RRP1B: variants seen among roughly 807,000 people sequenced by gnomAD.
RRP1B encodes ribosomal RNA processing 1B, also known as ribosomal RNA processing protein 1 homolog B.
Under a neutral mutation model 80.2 loss-of-function variants are expected in RRP1B, and 56 were observed. The observed-to-expected ratio is 0.70, with a 90% CI of 0.56 to 0.87. The LOEUF (loss-of-function observed/expected upper bound fraction) is 0.87, where lower values mean the gene tolerates loss of function less well. RRP1B is among the 40% of genes least tolerant of loss of function. RRP1B has a pLI of 0.00. For missense variants in RRP1B, 807 were observed against 939.8 expected (o/e 0.86, Z 1.85); for synonymous variants, 351 against 357.6 (o/e 0.98, Z 0.21).
chr21:43,687,005 G>C, intron 12 of RRP1B, 70 bp downstream of exon 12: 1 of 1,527,754 alleles, frequency 6.5e-7, no homozygotes, highest in Non-Finnish European at 8.9e-7. Context: ...TGGAGGCCTC[G>C]GAGACTTGAG....
intron 3 of RRP1B, 31 bp downstream of exon 3, chr21:43,672,396 CAA>C: frequency 6.3e-7 from 1 of 1,591,184 alleles, no homozygotes; most frequent in Non-Finnish European, 8.6e-7. Context: ...TCCTTCCTTC[CAA>C]GTTTTCCGAC....
intron 11 of RRP1B, 191 bp from the exon 12 acceptor site, chr21:43,686,613 C>T (rs1406575532): frequency 3.3e-6 from 2 of 604,614 alleles, no homozygotes; most frequent in Non-Finnish European, 5.5e-6. Flanking sequence ...CCTTGCCTTG[C>T]CTTGGTTGAG....
At position 43,693,154 on chromosome 21, in the gene RRP1B, C is replaced by A. The variant is rs1297403988; in HGVS notation, c.2084-36C>A. 11 of 1,608,948 alleles carry A rather than the reference C, an allele frequency of 6.8e-6. No homozygotes were observed. The highest frequency in any genetic ancestry group is 9.3e-6 in the Non-Finnish European group (11 of 1,176,986). On this transcript the variant is annotated intron_variant, in intron 15 of 15. Transcript: ENST00000340648. This position sits in a 1 kb window ranked among gnomAD's most constrained non-coding sequence, Gnocchi z 4.1. ...GGTGTTGAAGGGACAGCTGTCGGAC[C>A]CACTTAATATGGGGCCTTGCTCTCA...
intron 1 of RRP1B, among the ~76,000 whole-genome samples, chr21:43,661,593 C>T (rs1438574393): frequency 6.6e-6 from 1 of 152,202 alleles, no homozygotes; most frequent in African/African-American, 2.4e-5. Context: ...AACTTCTGCG[C>T]CCGCATATTC....
At chr21:43,670,505 A>G (rs910690571) in intron 2 of RRP1B, among the ~76,000 whole-genome samples, 10 of 152,214 alleles carry the variant, frequency 6.6e-5, no homozygotes, top group Non-Finnish European at 1.3e-4. Flanking sequence ...CAAAGCCAAC[A>G]CTAAAGATGT....
intron 8 of RRP1B, among the ~76,000 whole-genome samples, chr21:43,677,881 G>A (rs9977102): frequency 0.061 from 9,319 of 152,102 alleles, 937 homozygotes; most frequent in African/African-American, 0.21. Context: ...TGTATATTCC[G>A]CATTTTCTTT....
intron 5 of RRP1B, 34 bp downstream of exon 5, chr21:43,674,731 C>T: frequency 6.5e-7 from 1 of 1,548,930 alleles, no homozygotes; most frequent in East Asian, 2.2e-5. Context: ...ATGTGGTAGC[C>T]TTAAAACTTA....
intron 5 of RRP1B, 51 bp downstream of exon 5, chr21:43,674,748 A>G: frequency 6.8e-7 from 1 of 1,477,930 alleles, no homozygotes; most frequent in Non-Finnish European, 9.3e-7. Flanking sequence ...CTTAAAAGGT[A>G]GTAGAGTGTC....
chr21:43,666,387 A>G (rs2082978028), intron 1 of RRP1B, among the ~76,000 whole-genome samples: 1 of 152,028 alleles, frequency 6.6e-6, no homozygotes, highest in Non-Finnish European at 1.5e-5. Context: ...CCAGCAGTTG[A>G]GCTCCTGCAC....
intron 1 of RRP1B, among the ~76,000 whole-genome samples, chr21:43,665,313 CTG>C (rs2082974262): frequency 6.6e-6 from 1 of 152,208 alleles, no homozygotes; most frequent in Non-Finnish European, 1.5e-5. Context: ...CTACCTGTAA[CTG>C]TTCTGTAAAT....
chr21:43,692,567 CCAGCCTGGGTGA>C (rs1305501866), intron 15 of RRP1B, among the ~76,000 whole-genome samples: 1 of 151,418 alleles, frequency 6.6e-6, no homozygotes, highest in Admixed American at 6.6e-5. Context: ...TCACTGCACT[CCAGCCTGGGTGA>C]CAGGCTGGGT....
At chr21:43,672,788 C>T (rs2083005095) in intron 3 of RRP1B, among the ~76,000 whole-genome samples, 1 of 152,146 alleles carries the variant, frequency 6.6e-6, no homozygotes, top group Non-Finnish European at 1.5e-5. Context: ...AGTTAGGGTG[C>T]TTCTGTGTCA....
chr21:43,678,548 C>G (rs1039528617), intron 8 of RRP1B, among the ~76,000 whole-genome samples: 1 of 152,122 alleles, frequency 6.6e-6, no homozygotes, highest in African/African-American at 2.4e-5. Flanking sequence ...TTTGCATTTC[C>G]GTGTGTTTGT....
intron 7 of RRP1B, 90 bp from the exon 8 acceptor site, chr21:43,676,643 C>T (rs554606178): frequency 1.4e-4 from 173 of 1,225,618 alleles, no homozygotes; most frequent in Non-Finnish European, 1.8e-4. Flanking sequence ...ACCACAGCAA[C>T]GTGTGCAGGG....
intron 3 of RRP1B, among the ~76,000 whole-genome samples, chr21:43,673,304 T>C (rs1356741804): frequency 1.3e-5 from 2 of 152,160 alleles, no homozygotes; most frequent in Admixed American, 6.6e-5. Context: ...ATTGCAATGT[T>C]GCCAGCCCTT....
At chr21:43,676,136 G>T (rs1601755655) in intron 6 of RRP1B, 136 bp from the exon 7 acceptor site, 1 of 624,406 alleles carries the variant, frequency 1.6e-6, no homozygotes, top group East Asian at 2.8e-5. Flanking sequence ...TTCCACAGGG[G>T]CGCTTTGGGG....
At position 43,659,707 on chromosome 21, in the gene RRP1B, C is replaced by T. The variant is rs1437798116; in HGVS notation, c.43C>T (p.Arg15Trp). The T allele has an allele frequency of 5.2e-6, 8 of 1,530,772 alleles. No individual in the cohort carries two copies. In the East Asian group the frequency reaches 1.6e-4, roughly 30 times the overall value. The allele number at this position is 1,530,772 out of a possible 1,614,324, so 94.8% of individuals were successfully genotyped here. A position where few individuals can be genotyped will look rare whatever the true frequency, so the allele number is the denominator to read the frequency against. Residue 15 changes from arginine (R) to tryptophan (W), a missense_variant, in exon 1 of 16, where the codon CGG (arginine) becomes TGG (tryptophan). By Grantham distance (101) the Arg-to-Trp change is moderately radical (BLOSUM62 -3). Transcript: ENST00000340648. This position sits in a 1 kb window ranked among gnomAD's most constrained non-coding sequence, Gnocchi z 4.2. ...GCCGGCCGAGATCCAATTTGCCCAG[C>T]GGCTGGCGTCCAGCGAGAAGGGCAT... ...MQPAEIQFAQ[R>W]LASSEKGIRD...
In RRP1B at chr21:43,691,150, TGAG is replaced by T. The variant is rs991710455; in HGVS notation, c.2020-287_2020-285del. 1.3e-5 allele frequency among the ~76,000 whole-genome samples: 2 copies of T among 152,180 alleles called. No homozygotes were observed. The highest frequency in any genetic ancestry group is 4.8e-5 in the African/African-American group (2 of 41,432). ...GGATCGTAGAACCCTGCAGCGGTAA[TGAG>T]GCAGTGACCGCAGATGGGCCAAGAG... On this transcript the variant is annotated intron_variant, in intron 14 of 15. Transcript: ENST00000340648. The surrounding 1 kb of genome is among the most constrained non-coding windows in gnomAD (Gnocchi z 4.2).
At position 43,669,975 on chromosome 21, in the gene RRP1B, C is replaced by A. The variant is rs772686006; in HGVS notation, c.213+9C>A. The A allele has an allele frequency of 8.8e-6, 14 of 1,585,472 alleles. No homozygotes were observed. The highest frequency in any genetic ancestry group is 1.7e-4 in the Middle Eastern group (1 of 5,994). ...ATGAACCCCTTCTACAGGTAACATG[C>A]GTTCCCTTTGTCATGCTCCCGGGTT... On this transcript the variant is annotated intron_variant, in intron 2 of 15. Coordinates refer to ENST00000340648, the MANE Select transcript of RRP1B (RefSeq NM_015056.3).
Sources: gnomAD v4.1 joint callset for allele counts (sites outside exome capture counted in the v4.1 genomes callset) on GRCh38, gnomAD v4.1.1 for gene constraint, Gnocchi (gnomAD v3.1) non-coding constraint, MANE v1.5 for transcripts, NCBI Gene and HGNC (gene_info 2026-07-23, HGNC 2026-07-21) for gene names.